Variants in TNRC6A observed in about 807,000 individuals in gnomAD.
The protein encoded by TNRC6A is trinucleotide repeat containing adaptor 6A.
Under a neutral mutation model 221.2 loss-of-function variants are expected in TNRC6A, and 44 were observed. The observed-to-expected ratio is 0.20, with a 90% CI of 0.16 to 0.26. The LOEUF (loss-of-function observed/expected upper bound fraction) is 0.26, where lower values mean the gene tolerates loss of function less well. Ranked by LOEUF, TNRC6A falls within the 10% of genes least tolerant of loss-of-function variation. TNRC6A has a pLI of 1.00. For synonymous variants in TNRC6A, 847 were observed against 838.5 expected, an observed-to-expected ratio of 1.01 and a Z score of -0.18; for missense variants, 2,199 against 2,404.4, an observed-to-expected ratio of 0.91 and a Z score of 1.79.
intron 1 of TNRC6A, among the ~76,000 whole-genome samples, chr16:24,617,037 C>T (rs529945114): frequency 4.6e-5 from 7 of 152,156 alleles, no homozygotes; most frequent in South Asian, 2.1e-4. Context: ...TTTGTGTGTG[C>T]GCTTGTTTTC....
chr16:24,750,736 C>T lies in TNRC6A; in HGVS notation c.64C>T (p.Gln22Ter). 6.5e-7 allele frequency: 1 copy of T among 1,530,036 alleles called. No individual in the cohort carries two copies. The highest frequency in any genetic ancestry group is 8.7e-7 in the Non-Finnish European group (1 of 1,143,874). 94.8% of individuals were successfully genotyped at this position (1,530,036 alleles called of 1,614,324 possible). A position where few individuals can be genotyped will look rare whatever the true frequency, so the allele number is the denominator to read the frequency against. ...VERNLSRDLV[Q>*]EEEQLMEEKK... ...AACTGTGTGGTTCAGGGATTTAGTG[C>T]AAGAAGAAGAACAGTTGATGGAAGA... Residue 22 changes from glutamine to a stop codon, truncating the protein, a stop_gained, in exon 3 of 25, where the codon CAA becomes TAA. Coordinates refer to ENST00000395799, the MANE Select transcript of TNRC6A (RefSeq NM_014494.4). LOFTEE classifies it high-confidence loss of function.
chr16:24,630,903 C>T (rs554941841), intron 1 of TNRC6A, among the ~76,000 whole-genome samples: 2 of 152,240 alleles, frequency 1.3e-5, no homozygotes, highest in South Asian at 2.1e-4. Context: ...GTGGTATGTG[C>T]CTCTCTATAC....
chr16:24,741,433 C>A (rs1173920475), intron 2 of TNRC6A, among the ~76,000 whole-genome samples: 4 of 152,092 alleles, frequency 2.6e-5, no homozygotes, highest in Non-Finnish European at 5.9e-5. Context: ...TGGTGTATTT[C>A]GTTGATTTTC....
chr16:24,708,944 G>A (rs2056151174), intron 2 of TNRC6A, among the ~76,000 whole-genome samples: 1 of 152,050 alleles, frequency 6.6e-6, no homozygotes, highest in Admixed American at 6.6e-5. Context: ...ATTGTGAATT[G>A]TGCTGCCATA....
At chr16:24,681,993 C>T (rs998725137) in intron 2 of TNRC6A, among the ~76,000 whole-genome samples, 1 of 152,154 alleles carries the variant, frequency 6.6e-6, no homozygotes, top group Non-Finnish European at 1.5e-5. Context: ...CACCTCTGTT[C>T]CCCACGGCCT....
rs2058385037 is a variant in TNRC6A at position 24,804,273 on chromosome 16, A to C, written c.3791A>C (p.Gln1264Pro). The C allele has an allele frequency of 1.2e-6, 2 of 1,613,476 alleles. No individual in the cohort carries two copies. Among genetic ancestry groups the C allele is most frequent in the Non-Finnish European group, 1.7e-6 (2 of 1,179,920 alleles). Residue 1264 changes from glutamine to proline, a missense_variant, in exon 12 of 25, where the codon CAG becomes CCG. Transcript: ENST00000395799. ...TVGKGPGSRP[Q>P]ISKESSMERN... ...GGGAAAGGCCCTGGTTCTCGGCCTC[A>C]GATTTCCAAAGAGTCTTCCATGGAG...
chr16:24,778,556 C>T (rs1311180344), intron 5 of TNRC6A: 3 of 935,282 alleles, frequency 3.2e-6, no homozygotes, highest in African/African-American at 1.8e-5. Context: ...GCTAATTTCC[C>T]AGCACCTTAT....
chr16:24,730,408 C>G (rs1268605434), intron 2 of TNRC6A, 108 bp downstream of exon 2: 4 of 1,344,282 alleles, frequency 3.0e-6, no homozygotes, highest in Non-Finnish European at 4.1e-6. Context: ...TCTTCCGCAC[C>G]CGGAGAGCAG....
At position 24,789,731 on chromosome 16, in the gene TNRC6A, A is replaced by C; in HGVS notation, c.1089A>C (p.Ser363=). Residue 363 remains serine (S), a synonymous_variant, in exon 6 of 25, where the codon TCA becomes TCC. Coordinates refer to ENST00000395799, the MANE Select transcript of TNRC6A (RefSeq NM_014494.4). ...GGTTAAATCCAAGCACTTTGAATTC[A>C]GCTAGCAACCATGGTGCCTGGCCAG... ...NGGLNPSTLN[S]ASNHGAWPVL... 1 of 1,614,276 alleles carries C rather than the reference A, an allele frequency of 6.2e-7. No homozygotes were observed. The highest frequency in any genetic ancestry group is 8.5e-7 in the Non-Finnish European group (1 of 1,180,050).
chr16:24,717,770 C>CTTT (rs71383705), intron 2 of TNRC6A, among the ~76,000 whole-genome samples: 13 of 107,364 alleles, frequency 1.2e-4, no homozygotes, highest in Non-Finnish European at 1.7e-4. Context: ...TTTTTTTTTT[C>CTTT]TTTTTTTTTT....
chr16:24,663,448 T>A (rs2055078665), intron 2 of TNRC6A: 1 of 155,774 alleles, frequency 6.4e-6, no homozygotes, highest in Admixed American at 6.2e-5. Flanking sequence ...CCCAGCTCCT[T>A]GGGAGGCTGA....
chr16:24,801,549 T>TTTTA (rs2058331188), intron 11 of TNRC6A, among the ~76,000 whole-genome samples: 1 of 151,290 alleles, frequency 6.6e-6, no homozygotes, highest in South Asian at 2.1e-4. Flanking sequence ...TTTTTTTTTT[T>TTTTA]TTGAGTTGGA....
chr16:24,791,925 C>A, intron 6 of TNRC6A, 108 bp downstream of exon 6: 1 of 1,232,890 alleles, frequency 8.1e-7, no homozygotes. Flanking sequence ...TTACTGTAAT[C>A]CAGAAGCAGC....
chr16:24,723,910 CTATT>C (rs748628818), intron 2 of TNRC6A, among the ~76,000 whole-genome samples: 74 of 152,230 alleles, frequency 4.9e-4, no homozygotes, highest in Non-Finnish European at 9.0e-4. Context: ...ACTGCTGTGA[CTATT>C]TATAGTAGTG....
chr16:24,652,393 T>C (rs1902722552), intron 2 of TNRC6A, among the ~76,000 whole-genome samples: 1 of 152,230 alleles, frequency 6.6e-6, no homozygotes, highest in African/African-American at 2.4e-5. Flanking sequence ...TATGGTGGCC[T>C]TTCTGTAAAC....
chr16:24,765,727 G>GA (rs894407389), intron 4 of TNRC6A, among the ~76,000 whole-genome samples: 68 of 149,062 alleles, frequency 4.6e-4, no homozygotes, highest in African/African-American at 1.3e-3. Flanking sequence ...CTAACAGAAT[G>GA]AAAAAAAAAT....
intron 1 of TNRC6A, among the ~76,000 whole-genome samples, chr16:24,630,426 G>A (rs1901272905): frequency 6.6e-6 from 1 of 152,128 alleles, no homozygotes; most frequent in Admixed American, 6.6e-5. Context: ...CACTTTGGGA[G>A]GCAGAGGCAG....
At chr16:24,672,018 A>G (rs936702747) in intron 2 of TNRC6A, among the ~76,000 whole-genome samples, 2 of 152,274 alleles carry the variant, frequency 1.3e-5, no homozygotes, top group African/African-American at 2.4e-5. Context: ...TGAAATTTTA[A>G]TATGGACAGC....
At chr16:24,671,231 C>T (rs1023711703) in intron 2 of TNRC6A, among the ~76,000 whole-genome samples, 3 of 152,062 alleles carry the variant, frequency 2.0e-5, no homozygotes, top group Admixed American at 2.0e-4. Context: ...GAGAGGTTGT[C>T]CTTAGGAAGA....
Sources: allele counts gnomAD v4.1 joint callset (sites outside exome capture counted in the v4.1 genomes callset), GRCh38; gene constraint gnomAD v4.1.1; transcripts MANE v1.5; gene names NCBI Gene and HGNC (gene_info 2026-07-23, HGNC 2026-07-21).